Variants in LIMCH1 observed in about 807,000 individuals in gnomAD.
LIMCH1 encodes the protein LIM and calponin homology domains-containing protein 1.
A neutral mutation model predicts 176.5 loss-of-function variants in LIMCH1; 113 were observed. The observed-to-expected ratio is 0.64, with a 90% CI of 0.55 to 0.75. LIMCH1 has a LOEUF of 0.75. LIMCH1 is among the 30% of genes least tolerant of loss of function. The pLI, the probability that LIMCH1 is intolerant of heterozygous loss-of-function variation, is 0.00. For synonymous variants in LIMCH1, 619 were observed against 645.9 expected (o/e 0.96, Z 0.63); for missense variants, 1,674 against 1,814.9 (o/e 0.92, Z 1.41).
At chr4:41,577,133 C>A (rs1332001277) in intron 1 of LIMCH1, among the ~76,000 whole-genome samples, 2 of 152,058 alleles carry the variant, frequency 1.3e-5, no homozygotes, top group Admixed American at 6.6e-5. Flanking sequence ...CAATTCCCTG[C>A]ATGTACCGAG....
At chr4:41,559,348 C>G (rs780995948) in intron 1 of LIMCH1, among the ~76,000 whole-genome samples, 1 of 152,094 alleles carries the variant, frequency 6.6e-6, no homozygotes, top group Non-Finnish European at 1.5e-5. Flanking sequence ...TGCCTCCTCC[C>G]TGTCTTGATC....
At position 41,538,268 on chromosome 4, in the gene LIMCH1, G is replaced by C. The variant is rs1413506117; in HGVS notation, c.-323G>C. The C allele has an allele frequency of 3.0e-6, 3 of 985,540 alleles. No individual in the cohort carries two copies. The highest frequency in any genetic ancestry group is 3.6e-6 in the Non-Finnish European group (3 of 830,042). 61.0% of individuals were successfully genotyped at this position (985,540 alleles called of 1,614,324 possible). A position where few individuals can be genotyped will look rare whatever the true frequency, so the allele number is the denominator to read the frequency against. ...TTTCGGCTGCTGTGCTGGGGCTGAC[G>C]AGGAGCACACAGGAGAGATGCCCCT... On this transcript the variant is annotated 5_prime_UTR_variant, in exon 1 of 32. Transcript: ENST00000503057.
chr4:41,450,165 C>A (rs933085473), intron 1 of LIMCH1, among the ~76,000 whole-genome samples: 6 of 152,118 alleles, frequency 3.9e-5, no homozygotes, highest in Non-Finnish European at 7.4e-5. Context: ...GATTGACACA[C>A]AATTAAAGTT....
chr4:41,585,181 T>C (rs1424791770), intron 1 of LIMCH1, among the ~76,000 whole-genome samples: 1 of 152,170 alleles, frequency 6.6e-6, no homozygotes, highest in African/African-American at 2.4e-5. Flanking sequence ...TTTTACTTAT[T>C]AAACAACAAC....
intron 1 of LIMCH1, among the ~76,000 whole-genome samples, chr4:41,367,720 A>T (rs1302075646): frequency 6.7e-6 from 1 of 149,914 alleles, no homozygotes; most frequent in Non-Finnish European, 1.5e-5. Flanking sequence ...AAGAAAAATC[A>T]TCCGGGCGTG....
In LIMCH1 at chr4:41,629,720, G is replaced by A. The variant is rs2093201004; in HGVS notation, c.1257G>A (p.Val419=). ...ADLETWERLK[V]SEKARDGDVQ... is the part of the protein sequence containing the mutation. ...TGGAGACGTGGGAGAGACTCAAAGT[G>A]TCAGAAAAGGCGAGGTGTGTCATGT... Residue 419 remains valine (V), a synonymous_variant, in exon 9 of 32, where the codon GTG becomes GTA. Transcript: ENST00000503057. The A allele has an allele frequency of 2.0e-6, 3 of 1,535,746 alleles. No homozygotes were observed. Among genetic ancestry groups the A allele is most frequent in the African/African-American group, 2.7e-5 (2 of 73,116 alleles).
chr4:41,612,290 C>T (rs1275043280), intron 4 of LIMCH1: 5 of 414,042 alleles, frequency 1.2e-5, no homozygotes, highest in Middle Eastern at 6.3e-4. Context: ...CTCCCGTGGG[C>T]ATCCTAGACA....
At chr4:41,567,293 T>C (rs1561775740) in intron 1 of LIMCH1, among the ~76,000 whole-genome samples, 1 of 152,186 alleles carries the variant, frequency 6.6e-6, no homozygotes, top group Admixed American at 6.5e-5. Flanking sequence ...AATGAAAGTG[T>C]TTTTAAGATT....
intron 1 of LIMCH1, among the ~76,000 whole-genome samples, chr4:41,410,696 A>G (rs2059403632): frequency 6.6e-6 from 1 of 152,188 alleles, no homozygotes; most frequent in African/African-American, 2.4e-5. Context: ...GGATCCAGTG[A>G]GAGGTATTTC....
intron 3 of LIMCH1, among the ~76,000 whole-genome samples, chr4:41,527,243 G>T (rs557286576): frequency 6.6e-6 from 1 of 152,288 alleles, no homozygotes; most frequent in South Asian, 2.1e-4. Context: ...GATAAAAGTA[G>T]CTCTGTTCTG....
chr4:41,496,395 G>A (rs4861117), intron 2 of LIMCH1, among the ~76,000 whole-genome samples: 1 of 152,034 alleles, frequency 6.6e-6, no homozygotes, highest in African/African-American at 2.4e-5. Flanking sequence ...TAGCTAGCAG[G>A]CCCAGCAAAG....
At position 41,633,100 on chromosome 4, in the gene LIMCH1, T is replaced by G; in HGVS notation, c.1829+15T>G. On this transcript the variant is annotated intron_variant, in intron 12 of 31. Coordinates refer to ENST00000503057, the MANE Select transcript of LIMCH1 (RefSeq NM_001330672.2). The stretch of plus-strand genomic sequence containing the variant: ...AGCCAGCCACTGTGAGCATCTTGCC[T>G]GCGCTCTGCTCCGTGGTGTGTTGCC... 1 of 1,506,286 alleles carries G rather than the reference T, an allele frequency of 6.6e-7. No individual in the cohort carries two copies. Among genetic ancestry groups the G allele is most frequent in the Non-Finnish European group, 8.9e-7 (1 of 1,121,146 alleles). The allele number at this position is 1,506,286 out of a possible 1,614,324, so 93.3% of individuals were successfully genotyped here.
chr4:41,617,146 AG>A (rs1463916931), intron 5 of LIMCH1, among the ~76,000 whole-genome samples: 1 of 152,170 alleles, frequency 6.6e-6, no homozygotes, highest in Non-Finnish European at 1.5e-5. Context: ...ATAGGATTTT[AG>A]AATTGAGGGA....
rs183727973 is a variant in LIMCH1 at position 41,543,373 on chromosome 4, G to C, written c.-241+5023G>C. ...AGTGTATTGTTAGGGACATCTCTGA[G>C]CTCCTGTGGAGATAGTGTTTTTTCC... On this transcript the variant is annotated intron_variant, in intron 1 of 31. Transcript: ENST00000503057. Among the ~76,000 whole-genome samples, 348 of 152,266 alleles carry C rather than the reference G, an allele frequency of 2.3e-3. 1 individual carries two copies. The highest frequency in any genetic ancestry group is 8.1e-3 in the African/African-American group (335 of 41,562).
chr4:41,361,696 A>G (rs962755783), intron 1 of LIMCH1, among the ~76,000 whole-genome samples: 1 of 152,216 alleles, frequency 6.6e-6, no homozygotes, highest in Non-Finnish European at 1.5e-5. Context: ...CTCGGCTCTC[A>G]GTCCCGGAAG....
At chr4:41,418,683 A>AGTGTGAACGCCTCC (rs2060158228) in intron 1 of LIMCH1, 1 of 152,228 alleles carries the variant, frequency 6.6e-6, no homozygotes, top group Non-Finnish European at 1.5e-5. Flanking sequence ...ACTGGCCCAG[A>AGTGTGAACGCCTCC]CGTTTGCAGA....
chr4:41,629,767 G>A, intron 9 of LIMCH1, 33 bp downstream of exon 9: 1 of 1,516,052 alleles, frequency 6.6e-7, no homozygotes, highest in Non-Finnish European at 8.8e-7. Context: ...TTTCCCCCTG[G>A]CAGTCATGGT....
At chr4:41,429,376 A>G (rs1352940506) in intron 1 of LIMCH1, among the ~76,000 whole-genome samples, 1 of 152,000 alleles carries the variant, frequency 6.6e-6, no homozygotes, top group Non-Finnish European at 1.5e-5. Flanking sequence ...AGTGAAGGGT[A>G]CTCATTTCTG....
chr4:41,633,581 A>G lies in LIMCH1; in HGVS notation c.1863A>G (p.Ser621=), dbSNP rs1336576994. The change falls in exon 13 of 32, where the codon TCA becomes TCG. Residue 621 remains serine, a synonymous_variant. Coordinates refer to ENST00000503057, the MANE Select transcript of LIMCH1 (RefSeq NM_001330672.2). ...VCPLASECEA[S]GTEEKLEKMT... ...CTCTGGCCTCTGAGTGTGAGGCTTC[A>G]GGGACAGAAGAGAAGTTGGAGAAGA... 5.9e-6 allele frequency: 9 copies of G among 1,536,032 alleles called. No homozygotes were observed. The highest frequency in any genetic ancestry group is 7.8e-6 in the Non-Finnish European group (9 of 1,146,926).
Sources: allele counts gnomAD v4.1 joint callset (sites outside exome capture counted in the v4.1 genomes callset), GRCh38; gene constraint gnomAD v4.1.1; transcripts MANE v1.5; gene names NCBI Gene and HGNC (gene_info 2026-07-23, HGNC 2026-07-21).